Variants in CYP27B1 observed in about 807,000 individuals in gnomAD.
CYP27B1 encodes the protein cytochrome P450 family 27 subfamily B member 1.
CYP27B1 carries 46 observed loss-of-function variants against 54.8 expected under a neutral mutation model. The ratio of observed to expected loss-of-function variants is 0.84; its 90% CI spans 0.66 to 1.07. The LOEUF is 1.07. Among genes scored for constraint, CYP27B1 ranks in the 50% least tolerant of loss-of-function variants. The probability of loss-of-function intolerance (pLI) is 0.00; values close to 1 mark genes in which losing one functional copy is unlikely to be tolerated. For synonymous variants in CYP27B1, 292 were observed against 297.3 expected, an observed-to-expected ratio of 0.98 and a Z score of 0.18; for missense variants, 674 against 692.2, an observed-to-expected ratio of 0.97 and a Z score of 0.30.
At chr12:57,766,586 G>C (rs369898490) in intron 1 of CYP27B1, 2 of 582,560 alleles carry the variant, frequency 3.4e-6, no homozygotes, top group South Asian at 2.1e-5. Context: ...TCCCCCTCCC[G>C]CGCACTTGTA....
Position 57,763,664 on chromosome 12 carries a change from T to C in CYP27B1, c.1360A>G (p.Ser454Gly). The C allele has an allele frequency of 6.2e-7, 1 of 1,609,002 alleles. No individual in the cohort carries two copies. Among genetic ancestry groups the C allele is most frequent in the Non-Finnish European group, 8.5e-7 (1 of 1,177,484 alleles). ...ASLPFGFGKR[S>G]CMGRRLAELE... is the part of the protein sequence containing the mutation. ...TCTGCCAGGCGTCTCCCCATACAGC[T>C]GCGCTTGCCAAAGCCAAAGGGAAGA... The change falls in exon 8 of 9, where the codon AGC becomes GGC. Residue 454 changes from serine (S) to glycine (G), a missense_variant. By Grantham distance (56) the Ser-to-Gly change is moderately conservative. Transcript: ENST00000228606.
rs760548148 is a variant in CYP27B1 at position 57,763,773 on chromosome 12, C to A, written c.1251G>T (p.Arg417Ser). 1 of 1,614,144 alleles carries A rather than the reference C, an allele frequency of 6.2e-7. No individual in the cohort carries two copies. Among genetic ancestry groups the A allele is most frequent in the Non-Finnish European group, 8.5e-7 (1 of 1,180,014 alleles). The change falls in exon 8 of 9, where the codon AGG (arginine) becomes AGT (serine). Residue 417 changes from arginine (R) to serine (S), a missense_variant. Arg to Ser is a moderately radical substitution (Grantham distance 110). Coordinates refer to ENST00000228606, the MANE Select transcript of CYP27B1 (RefSeq NM_000785.4). ...LVTLCHYATS[R>S]DPAQFPEPNS... is the part of the protein sequence containing the mutation. ...TTGGCTCTGGGAACTGGGCAGGGTC[C>A]CTTGAAGTGGCATAGTGACACAGAG...
At position 57,765,425 on chromosome 12, in the gene CYP27B1, T is replaced by A. The variant is rs574099143; in HGVS notation, c.461A>T (p.Tyr154Phe). ...GACTACGTTGTTCAGGGTTCCGGCG[T>A]AGCGGGCGGCCGCTTGAGGCCGGAG... is the stretch of plus-strand genomic sequence containing the variant. Reference protein sequence around the residue: ...LLLRPQAAARYAGTLNNVVCD... With the variant: ...LLLRPQAAARFAGTLNNVVCD... The change falls in exon 3 of 9, where the codon TAC becomes TTC. Residue 154 changes from tyrosine to phenylalanine, a missense_variant. By Grantham distance (22) the Tyr-to-Phe change is conservative (BLOSUM62 3). Coordinates refer to ENST00000228606, the MANE Select transcript of CYP27B1 (RefSeq NM_000785.4). This position sits in a 1 kb window ranked among gnomAD's most constrained non-coding sequence, Gnocchi z 5.8. 7.9e-5 allele frequency: 127 copies of A among 1,612,828 alleles called. 1 individual carries two copies. In the South Asian group the frequency reaches 1.1e-3, roughly 14 times the overall value.
intron 7 of CYP27B1, 100 bp downstream of exon 7, chr12:57,763,998 G>A: frequency 8.8e-7 from 1 of 1,130,330 alleles, no homozygotes. Flanking sequence ...GGGGTCAAGG[G>A]GAGTGTTTGA....
At position 57,764,453 on chromosome 12, in the gene CYP27B1, C is replaced by T. The variant is rs1955341862; in HGVS notation, c.1061G>A (p.Gly354Asp). ...AGTGGCTGAGGGGTAGGCACTGGAG[C>T]CAGGGCTCAGGGCAGCTGTGATCTC... The part of the protein sequence containing the change: ...HSEITAALSP[G>D]SSAYPSATVL... The change falls in exon 6 of 9, where the codon GGC becomes GAC. Residue 354 changes from glycine (G) to aspartate (D), a missense_variant. Coordinates refer to ENST00000228606, the MANE Select transcript of CYP27B1 (RefSeq NM_000785.4). 7 of 1,614,090 alleles carry T rather than the reference C, an allele frequency of 4.3e-6. No individual in the cohort carries two copies. Among genetic ancestry groups the T allele is most frequent in the Non-Finnish European group, 5.9e-6 (7 of 1,180,048 alleles).
In CYP27B1 at chr12:57,766,968, A is replaced by G; in HGVS notation, c.74T>C (p.Leu25Pro). The G allele has an allele frequency of 6.2e-7, 1 of 1,614,160 alleles. No individual in the cohort carries two copies. The highest frequency in any genetic ancestry group is 1.3e-5 in the African/African-American group (1 of 75,048). ...VRWAPELGASLGYREYHSARR... is the reference protein window; with the variant it reads ...VRWAPELGASPGYREYHSARR... ...TGCTGAGTGGTACTCTCGGTAGCCT[A>G]GGGAGGCGCCCAACTCGGGCGCCCA... Residue 25 changes from leucine (L) to proline (P), a missense_variant, in exon 1 of 9, where the codon CTA becomes CCA. Transcript: ENST00000228606.
chr12:57,766,901 G>C lies in CYP27B1; in HGVS notation c.141C>G (p.Ser47Arg). The change falls in exon 1 of 9, where the codon AGC becomes AGG. Residue 47 changes from serine to arginine, a missense_variant. Transcript: ENST00000228606. ...CCTTGCAGAAAAGTTCGGCCAGAAA[G>C]CTGGGCGTAGAGGGGCCTGGGATGT... ...LADIPGPSTP[S>R]FLAELFCKGG... The C allele has an allele frequency of 6.2e-7, 1 of 1,614,218 alleles. No individual in the cohort carries two copies. The highest frequency in any genetic ancestry group is 8.5e-7 in the Non-Finnish European group (1 of 1,180,036).
rs375741542 is a variant in CYP27B1, at chr12:57,765,507, G to T, written c.387-8C>A. 2.2e-5 allele frequency: 35 copies of T among 1,605,908 alleles called. No homozygotes were observed. In the Admixed American group the frequency reaches 3.6e-4, roughly 16 times the overall value. ...TGCCATTCTTCGCCTTCCCTGCAGG[G>T]TTGAGGAGAGAGTGCGCATCGGGAA... On this transcript the variant is annotated splice_region_variant and splice_polypyrimidine_tract_variant and intron_variant, in intron 2 of 8. Transcript: ENST00000228606. This position sits in a 1 kb window ranked among gnomAD's most constrained non-coding sequence, Gnocchi z 5.8.
intron 7 of CYP27B1, 92 bp downstream of exon 7, chr12:57,764,006 T>G (rs1424652138): frequency 6.7e-6 from 8 of 1,198,480 alleles, no homozygotes; most frequent in Non-Finnish European, 8.7e-6. Flanking sequence ...GGGGAGTGTT[T>G]GAAGGGCTTT....
chr12:57,762,864 T>G lies in CYP27B1; in HGVS notation c.*278A>C. On this transcript the variant is annotated 3_prime_UTR_variant, in exon 9 of 9. Coordinates refer to ENST00000228606, the MANE Select transcript of CYP27B1 (RefSeq NM_000785.4). ...GAATCTTTCCTCAGGCCATCCAGCATTATTAGTTAAAATCTGATTTCATCC... is the reference window on the plus strand; with the variant it reads ...GAATCTTTCCTCAGGCCATCCAGCAGTATTAGTTAAAATCTGATTTCATCC... 1 of 414,980 alleles carries G rather than the reference T, an allele frequency of 2.4e-6. No individual in the cohort carries two copies. The highest frequency in any genetic ancestry group is 5.3e-5 in the East Asian group (1 of 18,898). The allele number at this position is 414,980 out of a possible 1,614,324, so 25.7% of individuals were successfully genotyped here. A position where few individuals can be genotyped will look rare whatever the true frequency, so the allele number is the denominator to read the frequency against.
chr12:57,766,522 G>A (rs918738518), intron 1 of CYP27B1: 51 of 565,974 alleles, frequency 9.0e-5, no homozygotes, highest in Non-Finnish European at 1.2e-4. Context: ...GAATGAAAAG[G>A]AACCCATGTA....
chr12:57,765,415 G>A lies in CYP27B1; in HGVS notation c.471C>T (p.Thr157=). The A allele has an allele frequency of 6.2e-7, 1 of 1,613,118 alleles. No individual in the cohort carries two copies. The highest frequency in any genetic ancestry group is 8.5e-7 in the Non-Finnish European group (1 of 1,179,644). Residue 157 remains threonine, a synonymous_variant, in exon 3 of 9, where the codon ACC becomes ACT. Coordinates refer to ENST00000228606, the MANE Select transcript of CYP27B1 (RefSeq NM_000785.4). This position sits in a 1 kb window ranked among gnomAD's most constrained non-coding sequence, Gnocchi z 5.8. ...CAAGGTCGCAGACTACGTTGTTCAG[G>A]GTTCCGGCGTAGCGGGCGGCCGCTT... The part of the protein sequence containing the change: ...RPQAAARYAG[T]LNNVVCDLVR...
rs762550487 is a variant in CYP27B1, at chr12:57,763,648, C to T, written c.1376G>A (p.Arg459His). ...GFGKRSCMGR[R>H]LAELELQMAL... Reference sequence around the variant, plus strand: ...CATTTGCAATTCAAGCTCTGCCAGGCGTCTCCCCATACAGCTGCGCTTGCC... The same window carrying T: ...CATTTGCAATTCAAGCTCTGCCAGGTGTCTCCCCATACAGCTGCGCTTGCC... The change falls in exon 8 of 9, where the codon CGC becomes CAC. Residue 459 changes from arginine to histidine, a missense_variant. Physicochemically the swap from Arg to His is conservative, Grantham distance 29. Transcript: ENST00000228606. The T allele has an allele frequency of 6.8e-6, 11 of 1,613,844 alleles. No individual in the cohort carries two copies. The highest frequency in any genetic ancestry group is 3.3e-5 in the Admixed American group (2 of 59,984).
Position 57,766,054 on chromosome 12 carries a change from C to A in CYP27B1, c.339G>T (p.Trp113Cys). The change falls in exon 2 of 9, where the codon TGG becomes TGT. Residue 113 changes from tryptophan to cysteine, a missense_variant. Transcript: ENST00000228606. ...PRPERCSFSP[W>C]TEHRRCRQRA... ...GCTGGCGGCAGCGGCGGTGCTCCGT[C>A]CAGGGCGAGAAGCTGCAGCGCTCGG... The A allele has an allele frequency of 1.9e-6, 3 of 1,563,566 alleles. No homozygotes were observed. Among genetic ancestry groups the A allele is most frequent in the Non-Finnish European group, 1.7e-6 (2 of 1,158,656 alleles).
At position 57,764,406 on chromosome 12, in the gene CYP27B1, G is replaced by A. The variant is rs753298199; in HGVS notation, c.1108C>T (p.Leu370=). The A allele has an allele frequency of 2.5e-6, 4 of 1,614,168 alleles. No homozygotes were observed. Among genetic ancestry groups the A allele is most frequent in the Non-Finnish European group, 2.5e-6 (3 of 1,180,040 alleles). Residue 370 remains leucine, a synonymous_variant, in exon 6 of 9, where the codon CTG becomes TTG. Coordinates refer to ENST00000228606, the MANE Select transcript of CYP27B1 (RefSeq NM_000785.4). ...AGCACTTCCTTGACCACCGCCTTCA[G>A]CAGGGGCAGCTGGGACAGAACAGTG... ...SATVLSQLPL[L]KAVVKEVLRL...
rs765368858 is a variant in CYP27B1, at chr12:57,765,217, C to T, written c.590-6G>A. ...GAGCAGAACCGCGGCGATGCCTTGT[C>T]GGGAGGGGGCGCCGTCAGGGTTCCG... On this transcript the variant is annotated splice_region_variant and splice_polypyrimidine_tract_variant and intron_variant, in intron 3 of 8. Transcript: ENST00000228606. This position sits in a 1 kb window ranked among gnomAD's most constrained non-coding sequence, Gnocchi z 5.8. The T allele has an allele frequency of 3.5e-5, 57 of 1,611,622 alleles. 2 individuals are homozygous for T. In the South Asian group the frequency reaches 6.1e-4, roughly 17 times the overall value.
In CYP27B1 at chr12:57,763,339, G is replaced by A. The variant is rs546364438; in HGVS notation, c.1414-84C>T. On this transcript the variant is annotated intron_variant, in intron 8 of 8. Coordinates refer to ENST00000228606, the MANE Select transcript of CYP27B1 (RefSeq NM_000785.4). ...TGGTAATCCAATTGGTAAAGGGCAT[G>A]CATTATTAGTGTTAGAATGGTCAAT... is the stretch of plus-strand genomic sequence containing the variant. The A allele has an allele frequency of 4.2e-5, 44 of 1,059,944 alleles. 1 individual carries two copies. The South Asian group carries it at 5.7e-4, about 14-fold the overall frequency. The allele number at this position is 1,059,944 out of a possible 1,614,324, so 65.7% of individuals were successfully genotyped here. A position where few individuals can be genotyped will look rare whatever the true frequency, so the allele number is the denominator to read the frequency against.
At position 57,766,036 on chromosome 12, in the gene CYP27B1, G is replaced by T; in HGVS notation, c.357C>A (p.Cys119Ter). 6.4e-7 allele frequency: 1 copy of T among 1,569,926 alleles called. No individual in the cohort carries two copies. The highest frequency in any genetic ancestry group is 8.6e-7 in the Non-Finnish European group (1 of 1,162,188). The change falls in exon 2 of 9, where the codon TGC becomes TGA. Residue 119 changes from cysteine (C) to a stop codon, truncating the protein, a stop_gained. Coordinates refer to ENST00000228606, the MANE Select transcript of CYP27B1 (RefSeq NM_000785.4). LOFTEE classifies it high-confidence loss of function. Reference protein sequence around the residue: ...SFSPWTEHRRCRQRACGLLTA... With the variant: ...SFSPWTEHRR ...TGAGCAGTCCGCAAGCCCGCTGGCG[G>T]CAGCGGCGGTGCTCCGTCCAGGGCG...
chr12:57,763,526 T>C (rs1955334986), intron 8 of CYP27B1, 85 bp downstream of exon 8: 1 of 1,222,284 alleles, frequency 8.2e-7, no homozygotes, highest in African/African-American at 1.5e-5. Context: ...TATGATTTCC[T>C]ATGCTTGTCA....
Sources: allele counts gnomAD v4.1 joint callset, GRCh38; gene constraint gnomAD v4.1.1; non-coding constraint Gnocchi (gnomAD v3.1); transcripts MANE v1.5; gene names NCBI Gene and HGNC (gene_info 2026-07-23, HGNC 2026-07-21).